The following GPC3 variants were observed in gnomAD, a reference collection of about 807,000 sequenced individuals.
The protein encoded by GPC3 is glypican 3.
In GPC3, 3 loss-of-function variants were observed where a neutral mutation model predicts 34.4. That is an observed-to-expected ratio of 0.09 (90% CI 0.04 to 0.23). The LOEUF (loss-of-function observed/expected upper bound fraction) is 0.23. GPC3 is among the 10% of genes least tolerant of loss of function. The probability of loss-of-function intolerance (pLI) is 1.00; values close to 1 mark genes in which losing one functional copy is unlikely to be tolerated. For missense variants in GPC3, 351 were observed against 445.6 expected (o/e 0.79, Z 1.91); for synonymous variants, 177 against 174.0 (o/e 1.02, Z -0.13).
chrX:133,739,452 C>T (rs1263729032), intron 3 of GPC3, among the ~76,000 whole-genome samples: 2 of 111,692 alleles, frequency 1.8e-5, no homozygotes, highest in African/African-American at 6.5e-5. Context: ...AGTAGTTCTG[C>T]GAGGTTGGTA....
At chrX:133,640,148 A>C (rs2070467021) in intron 6 of GPC3, among the ~76,000 whole-genome samples, 1 of 112,013 alleles carries the variant, frequency 8.9e-6, no homozygotes, top group African/African-American at 3.2e-5. Flanking sequence ...AGGCACAGTA[A>C]ATCAGTGAGA....
At chrX:133,704,320 T>C (rs1838859593) in intron 3 of GPC3, 2 of 784,224 alleles carry the variant, frequency 2.6e-6, no homozygotes, top group Admixed American at 3.5e-5. Context: ...ATGGAGTATG[T>C]TATTGTAGGG....
At chrX:133,554,116 T>C (rs1454172336) in intron 7 of GPC3, among the ~76,000 whole-genome samples, 1 of 107,819 alleles carries the variant, frequency 9.3e-6, no homozygotes, top group Non-Finnish European at 1.9e-5. Flanking sequence ...CAGGTTTAAG[T>C]GATTCTCCTG....
At chrX:133,915,574 C>T (rs1447877151) in intron 2 of GPC3, among the ~76,000 whole-genome samples, 1 of 112,378 alleles carries the variant, frequency 8.9e-6, no homozygotes, top group Non-Finnish European at 1.9e-5. Flanking sequence ...CTAATACATA[C>T]ATTATGTTTG....
intron 7 of GPC3, among the ~76,000 whole-genome samples, chrX:133,567,609 C>T (rs979859907): frequency 6.3e-5 from 7 of 111,742 alleles, no homozygotes; most frequent in East Asian, 2.8e-4. Flanking sequence ...CAAAATCTAT[C>T]GACCAGTCCC....
intron 2 of GPC3, among the ~76,000 whole-genome samples, chrX:133,896,233 C>T (rs905830943): frequency 7.2e-5 from 8 of 111,306 alleles, no homozygotes; most frequent in South Asian, 3.8e-4. Flanking sequence ...TGGCGGCACA[C>T]GCCTGTAATC....
At position 133,536,104 on chromosome X, in the gene GPC3, A is replaced by G; in HGVS notation, c.*20T>C. Reference sequence around the variant, plus strand: ...ACCACAGGGTGCTGTAGGGCAGCACATGTGCTGGGCACCAGGCAGTCAGTG... The same window carrying G: ...ACCACAGGGTGCTGTAGGGCAGCACGTGTGCTGGGCACCAGGCAGTCAGTG... On this transcript the variant is annotated 3_prime_UTR_variant, in exon 8 of 8. Transcript: ENST00000370818. 8.5e-7 allele frequency: 1 copy of G among 1,174,493 alleles called. No individual in the cohort carries two copies. Among genetic ancestry groups the G allele is most frequent in the South Asian group, 1.8e-5 (1 of 56,103 alleles).
intron 2 of GPC3, among the ~76,000 whole-genome samples, chrX:133,887,782 T>C (rs777788927): frequency 2.7e-5 from 3 of 112,036 alleles, no homozygotes; most frequent in Non-Finnish European, 3.8e-5. Context: ...ACTTTGTTGA[T>C]TGGTTCCTCT....
rs1446544248 is a variant in GPC3, at chrX:133,794,396, G to A, written c.338-40220C>T. On this transcript the variant is annotated intron_variant, in intron 2 of 7. Transcript: ENST00000370818. ...CCTGAGCACAAAGGAGGCCTCGTTT[G>A]TGTTTAAGTTGCTAAGAAGAAATTC... is the stretch of plus-strand genomic sequence containing the variant. 3.6e-5 allele frequency among the ~76,000 whole-genome samples: 4 copies of A among 112,114 alleles called. No homozygotes were observed. In the Admixed American group the frequency reaches 3.8e-4, roughly 11 times the overall value.
chrX:133,677,255 G>A (rs980347074), intron 5 of GPC3, among the ~76,000 whole-genome samples: 3 of 111,588 alleles, frequency 2.7e-5, no homozygotes, highest in Admixed American at 9.5e-5. Context: ...AGAGCTCACT[G>A]CTGTCGTCAG....
intron 7 of GPC3, among the ~76,000 whole-genome samples, chrX:133,589,351 G>T (rs1391884077): frequency 9.0e-6 from 1 of 111,069 alleles, no homozygotes; most frequent in Non-Finnish European, 1.9e-5. Flanking sequence ...AGTCTCATGA[G>T]ATCTGATGGT....
At chrX:133,778,246 C>T (rs1030197713) in intron 2 of GPC3, among the ~76,000 whole-genome samples, 2 of 111,749 alleles carry the variant, frequency 1.8e-5, no homozygotes, top group East Asian at 2.8e-4. Flanking sequence ...GTTACTCGAG[C>T]TATCTGAACT....
rs201126714 is a variant in GPC3, at chrX:133,775,729, G to A, written c.338-21553C>T. Among the ~76,000 whole-genome samples, 51 of 111,634 alleles carry A rather than the reference G, an allele frequency of 4.6e-4. 2 individuals carry two copies. The East Asian group carries it at 9.8e-3, about 21-fold the overall frequency. On this transcript the variant is annotated intron_variant, in intron 2 of 7. Transcript: ENST00000370818. ...ACGAGGGGCTTTGGCAGAATTGAGA[G>A]CATCACTTTGAAAAAGAGATACCTT...
At chrX:133,985,207 G>A in intron 1 of GPC3, 68 bp downstream of exon 1, 8 of 1,129,318 alleles carry the variant, frequency 7.1e-6, no homozygotes, top group Non-Finnish European at 8.5e-6. Flanking sequence ...AGCGCGCTCA[G>A]GGTACAGCCA....
chrX:133,604,111 T>G (rs1396499234), intron 6 of GPC3, among the ~76,000 whole-genome samples: 1 of 111,503 alleles, frequency 9.0e-6, no homozygotes, highest in Non-Finnish European at 1.9e-5. Flanking sequence ...CAGGGAAGAC[T>G]GCCATCCCCA....
chrX:133,671,009 G>T lies in GPC3; in HGVS notation c.1293-9159C>A. The T allele has an allele frequency of 5.6e-6, 3 of 538,357 alleles. No homozygotes were observed. The South Asian group carries it at 7.2e-5, about 13-fold the overall frequency. The allele number at this position is 538,357 out of a possible 1,213,427, so 44.4% of individuals were successfully genotyped here. On this transcript the variant is annotated intron_variant, in intron 5 of 7. Coordinates refer to ENST00000370818, the MANE Select transcript of GPC3 (RefSeq NM_004484.4). Reference sequence around the variant, plus strand: ...TAACTATCCAAACTACAAAGTTCATGACCAACCGACTACTTCAGGGGAAAC... The same window carrying T: ...TAACTATCCAAACTACAAAGTTCATTACCAACCGACTACTTCAGGGGAAAC...
At chrX:133,570,362 C>T (rs750712305) in intron 7 of GPC3, among the ~76,000 whole-genome samples, 9 of 109,944 alleles carry the variant, frequency 8.2e-5, no homozygotes, top group Non-Finnish European at 1.1e-4. Flanking sequence ...CCACCATGCC[C>T]GCCTAATTTT....
intron 2 of GPC3, among the ~76,000 whole-genome samples, chrX:133,926,541 A>G (rs1485886252): frequency 1.8e-5 from 2 of 112,751 alleles, no homozygotes; most frequent in East Asian, 5.6e-4. Flanking sequence ...TAATTGAAAC[A>G]CAATCTAAAG....
chrX:133,640,741 T>C (rs961605179), intron 6 of GPC3, among the ~76,000 whole-genome samples: 4 of 112,450 alleles, frequency 3.6e-5, no homozygotes, highest in African/African-American at 1.3e-4. Context: ...AGTTATTTCA[T>C]ACCCTCTATT....
Sources: gnomAD v4.1 joint callset for allele counts (sites outside exome capture counted in the v4.1 genomes callset) on GRCh38, gnomAD v4.1.1 for gene constraint, MANE v1.5 for transcripts, NCBI Gene and HGNC (gene_info 2026-07-23, HGNC 2026-07-21) for gene names.